Variants in TBCK observed in about 807,000 individuals in gnomAD.
The protein encoded by TBCK is TBC1 domain containing kinase, also known as TBC domain-containing protein kinase-like protein.
Under a neutral mutation model 113.4 loss-of-function variants are expected in TBCK, and 99 were observed. The ratio of observed to expected loss-of-function variants is 0.87; its 90% CI spans 0.74 to 1.03. TBCK has a LOEUF of 1.03. Among genes scored for constraint, TBCK ranks in the 50% least tolerant of loss-of-function variants. The pLI, the probability that TBCK is intolerant of heterozygous loss-of-function variation, is 0.00. For missense variants in TBCK, 1,045 were observed against 1,061.3 expected (o/e 0.98, Z 0.21); for synonymous variants, 369 against 370.8 (o/e 1.00, Z 0.05).
chr4:106,235,517 C>T (rs1034080245), intron 14 of TBCK, 150 bp from the exon 15 acceptor site: 1 of 471,108 alleles, frequency 2.1e-6, no homozygotes, highest in African/African-American at 2.0e-5. Flanking sequence ...GTTATTAATA[C>T]ACATAAATAA....
At chr4:106,131,868 G>A (rs149677619) in intron 23 of TBCK, among the ~76,000 whole-genome samples, 45 of 152,280 alleles carry the variant, frequency 3.0e-4, no homozygotes, top group African/African-American at 9.6e-4. Flanking sequence ...AGATGTTGAC[G>A]AGGAACTTCT....
intron 23 of TBCK, among the ~76,000 whole-genome samples, chr4:106,168,290 A>G (rs1750620113): frequency 6.6e-6 from 1 of 151,918 alleles, no homozygotes; most frequent in Non-Finnish European, 1.5e-5. Context: ...ACAAAATCCA[A>G]CATGCATTCA....
Position 106,118,886 on chromosome 4 carries a change from T to C in TBCK, c.2236-2508A>G, listed in dbSNP as rs574528206. On this transcript the variant is annotated intron_variant, in intron 23 of 25. Transcript: ENST00000394708. ...AATGGTAAGAAGAGAAGGAGAGGAATTGCTGACAAATTTAAATGTTCTAAA... is the reference window on the plus strand; with the variant it reads ...AATGGTAAGAAGAGAAGGAGAGGAACTGCTGACAAATTTAAATGTTCTAAA... 2.6e-4 allele frequency among the ~76,000 whole-genome samples: 40 copies of C among 152,250 alleles called. No homozygotes were observed. In the South Asian group the frequency reaches 7.7e-3, roughly 29 times the overall value.
At chr4:106,060,214 A>G (rs1040610075) in intron 25 of TBCK, among the ~76,000 whole-genome samples, 9 of 151,842 alleles carry the variant, frequency 5.9e-5, no homozygotes, top group Admixed American at 5.9e-4. Flanking sequence ...CAGATTTTCA[A>G]TGCAAATGAA....
intron 1 of TBCK, among the ~76,000 whole-genome samples, chr4:106,309,205 A>G (rs143012047): frequency 6.5e-4 from 99 of 152,252 alleles, no homozygotes; most frequent in African/African-American, 2.2e-3. Context: ...TTTCAATGGC[A>G]TAAAAAAGAA....
chr4:106,160,250 A>G (rs1227161425), intron 23 of TBCK, among the ~76,000 whole-genome samples: 1 of 152,100 alleles, frequency 6.6e-6, no homozygotes, highest in African/African-American at 2.4e-5. Context: ...CCAAAGCCCT[A>G]GGTGACAGAG....
intron 21 of TBCK, among the ~76,000 whole-genome samples, chr4:106,194,375 T>C (rs1231326258): frequency 6.6e-6 from 1 of 152,034 alleles, no homozygotes; most frequent in Non-Finnish European, 1.5e-5. Flanking sequence ...GTTTAAAAAA[T>C]AAAAGTTACT....
intron 3 of TBCK, among the ~76,000 whole-genome samples, chr4:106,268,800 A>G (rs1214304670): frequency 6.6e-6 from 1 of 152,102 alleles, no homozygotes; most frequent in Non-Finnish European, 1.5e-5. Flanking sequence ...CAACATTTCC[A>G]AGAAGAGATG....
chr4:106,246,948 G>A (rs1760884235), intron 10 of TBCK, among the ~76,000 whole-genome samples, 191 bp downstream of exon 10: 1 of 152,030 alleles, frequency 6.6e-6, no homozygotes, highest in Non-Finnish European at 1.5e-5. Flanking sequence ...ACCTCCCAAA[G>A]TGCTGGGATT....
chr4:106,244,175 C>T (rs1358463443), intron 11 of TBCK, among the ~76,000 whole-genome samples: 1 of 152,082 alleles, frequency 6.6e-6, no homozygotes, highest in Non-Finnish European at 1.5e-5. Flanking sequence ...CACACTAGCA[C>T]AGTAATGATC....
intron 23 of TBCK, among the ~76,000 whole-genome samples, chr4:106,117,000 T>C (rs1743595419): frequency 6.6e-6 from 1 of 152,000 alleles, no homozygotes; most frequent in Non-Finnish European, 1.5e-5. Context: ...ACCCAGTCCA[T>C]GGAAACACTG....
chr4:106,139,794 C>T lies in TBCK; in HGVS notation c.2236-23416G>A, dbSNP rs1006221348. Among the ~76,000 whole-genome samples, 6 of 140,718 alleles carry T rather than the reference C, an allele frequency of 4.3e-5. 1 individual carries two copies. The highest frequency in any genetic ancestry group is 1.5e-4 in the African/African-American group (6 of 39,864). 92.3% of individuals were successfully genotyped at this position (140,718 alleles called of 152,430 possible). A position where few individuals can be genotyped will look rare whatever the true frequency, so the allele number is the denominator to read the frequency against. On this transcript the variant is annotated intron_variant, in intron 23 of 25. Transcript: ENST00000394708. ...CTATAACATTAAATTGGTTGGTACA[C>T]ATTTTTTCATATTTTCTTATTGAAA...
At chr4:106,234,176 G>A (rs1003831374) in intron 15 of TBCK, among the ~76,000 whole-genome samples, 17 of 152,084 alleles carry the variant, frequency 1.1e-4, no homozygotes, top group Non-Finnish European at 2.4e-4. Context: ...CAGGAAGTAG[G>A]GTTCAAACTC....
chr4:106,168,935 C>T (rs1750694556), intron 23 of TBCK, among the ~76,000 whole-genome samples: 1 of 151,856 alleles, frequency 6.6e-6, no homozygotes, highest in Non-Finnish European at 1.5e-5. Flanking sequence ...GTTCCAAAAT[C>T]GGAAACATTC....
intron 24 of TBCK, among the ~76,000 whole-genome samples, chr4:106,111,479 T>C (rs922683870): frequency 1.3e-5 from 2 of 152,162 alleles, no homozygotes; most frequent in Non-Finnish European, 2.9e-5. Flanking sequence ...CTATCAATAA[T>C]GAAAGGCCAG....
rs145011121 is a variant in TBCK at position 106,188,026 on chromosome 4, C to T, written c.2059+5583G>A. Among the ~76,000 whole-genome samples, 28 of 152,218 alleles carry T rather than the reference C, an allele frequency of 1.8e-4. No homozygotes were observed. The East Asian group carries it at 2.1e-3, about 12-fold the overall frequency. ...CAGTTTGATTTCTTTTCTTCCTATT[C>T]GGATGCCTTTAATTTCTTTATCTTG... On this transcript the variant is annotated intron_variant, in intron 22 of 25. Coordinates refer to ENST00000394708, the MANE Select transcript of TBCK (RefSeq NM_001163435.3).
At chr4:106,263,568 C>T (rs1282544730) in intron 3 of TBCK, among the ~76,000 whole-genome samples, 3 of 151,680 alleles carry the variant, frequency 2.0e-5, no homozygotes, top group Admixed American at 6.6e-5. Context: ...CTGTTCTATC[C>T]TTGATTTTGA....
At chr4:106,297,001 A>C (rs1304698535) in intron 2 of TBCK, among the ~76,000 whole-genome samples, 4 of 152,152 alleles carry the variant, frequency 2.6e-5, no homozygotes, top group Admixed American at 2.6e-4. Flanking sequence ...AAGAAGCTGC[A>C]TTCCTTTGCT....
intron 19 of TBCK, among the ~76,000 whole-genome samples, chr4:106,215,340 G>A (rs1263837438): frequency 6.6e-6 from 1 of 151,554 alleles, no homozygotes; most frequent in African/African-American, 2.4e-5. Flanking sequence ...ACATCATAAT[G>A]ACAGGATCAA....
Sources: allele counts gnomAD v4.1 joint callset (sites outside exome capture counted in the v4.1 genomes callset), GRCh38; gene constraint gnomAD v4.1.1; transcripts MANE v1.5; gene names NCBI Gene and HGNC (gene_info 2026-07-23, HGNC 2026-07-21).